RUFY4: variants seen among roughly 807,000 people sequenced by gnomAD.
RUFY4 encodes the protein RUN and FYVE domain-containing protein 4.
In RUFY4, 73 loss-of-function variants were observed where a neutral mutation model predicts 69.0. That is an observed-to-expected ratio of 1.06 (90% CI 0.88 to 1.29). RUFY4 has a LOEUF of 1.29. Among genes scored for constraint, RUFY4 ranks in the 50% most tolerant of loss-of-function variants. The pLI, the probability that RUFY4 is intolerant of heterozygous loss-of-function variation, is 0.00. For synonymous variants in RUFY4, 287 were observed against 271.8 expected (o/e 1.06, Z -0.55); for missense variants, 770 against 705.6 (o/e 1.09, Z -1.03).
intron 2 of RUFY4, among the ~76,000 whole-genome samples, chr2:218,049,469 C>T (rs548792793): frequency 6.6e-6 from 1 of 151,658 alleles, no homozygotes; most frequent in Non-Finnish European, 1.5e-5. Flanking sequence ...ATTGGAGCCC[C>T]TTCATATTTA....
At position 218,072,856 on chromosome 2, in the gene RUFY4, G is replaced by T. The variant is rs188424941; in HGVS notation, c.357G>T (p.Gln119His). Residue 119 changes from glutamine to histidine, a missense_variant, in exon 4 of 11, where the codon CAG becomes CAT. Transcript: ENST00000344321. ...GTGGGCAGCTGGCTGAGGCCCTGCA[G>T]CTTTGCCTCCTGAACTCAGAGCTCA... The T allele has an allele frequency of 4.6e-6, 7 of 1,535,704 alleles. No homozygotes were observed. In the African/African-American group the frequency reaches 8.2e-5, roughly 18 times the overall value.
At chr2:218,046,087 G>A (rs1243091345) in intron 2 of RUFY4, among the ~76,000 whole-genome samples, 1 of 152,022 alleles carries the variant, frequency 6.6e-6, no homozygotes, top group African/African-American at 2.4e-5. Context: ...TTACAGGCGT[G>A]AGCCACCGAG....
intron 8 of RUFY4, among the ~76,000 whole-genome samples, chr2:218,082,855 A>C (rs184913346): frequency 3.5e-3 from 192 of 55,212 alleles, no homozygotes; most frequent in African/African-American, 0.011. Context: ...TATAAATTAT[A>C]TGCATGTAGC....
upstream of RUFY4, chr2:218,070,366 G>A (rs944991133): frequency 5.9e-5 from 34 of 576,948 alleles, no homozygotes; most frequent in Middle Eastern, 4.6e-4. Flanking sequence ...GCACAGTGTC[G>A]TCACCCAGGG....
chr2:218,080,218 C>A (rs1574515757), intron 8 of RUFY4, among the ~76,000 whole-genome samples: 1 of 152,170 alleles, frequency 6.6e-6, no homozygotes, highest in African/African-American at 2.4e-5. Flanking sequence ...CTACCAGAGG[C>A]TGGGGCAGGG....
At chr2:218,040,865 G>A (rs779371494) in intron 2 of RUFY4, among the ~76,000 whole-genome samples, 15 of 151,960 alleles carry the variant, frequency 9.9e-5, no homozygotes, top group Non-Finnish European at 2.1e-4. Flanking sequence ...AAATCTATAG[G>A]GGTACGAGAC....
At chr2:218,050,689 G>C (rs1472992395) in intron 2 of RUFY4, among the ~76,000 whole-genome samples, 1 of 152,170 alleles carries the variant, frequency 6.6e-6, no homozygotes, top group Non-Finnish European at 1.5e-5. Context: ...TTGGTAGCCA[G>C]ACAGTGTTAT....
chr2:218,044,498 GTCA>G (rs1688780632), intron 2 of RUFY4, among the ~76,000 whole-genome samples: 1 of 152,062 alleles, frequency 6.6e-6, no homozygotes, highest in Non-Finnish European at 1.5e-5. Context: ...GTAAACTTGT[GTCA>G]TGGGGGTTTG....
At chr2:218,088,122 C>T (rs1425000234) in intron 9 of RUFY4, among the ~76,000 whole-genome samples, 1 of 151,928 alleles carries the variant, frequency 6.6e-6, no homozygotes, top group Non-Finnish European at 1.5e-5. Flanking sequence ...CACTTTTGTA[C>T]GATTTTATTT....
In RUFY4 at chr2:218,089,162, CCT is replaced by C. The variant is rs1274269571; in HGVS notation, c.1503-85_1503-84del. 20 of 987,246 alleles carry C rather than the reference CCT, an allele frequency of 2.0e-5. No homozygotes were observed. In the Admixed American group the frequency reaches 4.4e-4, roughly 22 times the overall value. 61.2% of individuals were successfully genotyped at this position (987,246 alleles called of 1,614,324 possible). ...TCCTCTCTGTGTGATTCCGTCTGTTCCTCTCTGTCTCTCTGTCTGGGTCTTTT... is the reference window on the plus strand; with the variant it reads ...TCCTCTCTGTGTGATTCCGTCTGTTCCTCTGTCTCTCTGTCTGGGTCTTTT... On this transcript the variant is annotated intron_variant, in intron 9 of 10. Transcript: ENST00000344321.
chr2:218,047,888 T>C (rs969175058), intron 2 of RUFY4, among the ~76,000 whole-genome samples: 8 of 152,234 alleles, frequency 5.3e-5, no homozygotes, highest in Non-Finnish European at 1.0e-4. Flanking sequence ...TATTTAATTT[T>C]AATCTATAAG....
At position 218,070,872 on chromosome 2, in the gene RUFY4, C is replaced by T; in HGVS notation, c.153+13C>T. On this transcript the variant is annotated intron_variant, in intron 2 of 10. Coordinates refer to ENST00000344321, the Ensembl canonical transcript of RUFY4. Reference sequence around the variant, plus strand: ...GCTGCTGCTGCAGGTGGGACCTTCTCCTCCCCTTCCCCATCCCTCTCCCCA... The same window carrying T: ...GCTGCTGCTGCAGGTGGGACCTTCTTCTCCCCTTCCCCATCCCTCTCCCCA... The T allele has an allele frequency of 6.6e-7, 1 of 1,523,638 alleles. No individual in the cohort carries two copies. Among genetic ancestry groups the T allele is most frequent in the Non-Finnish European group, 8.8e-7 (1 of 1,138,012 alleles). The allele number at this position is 1,523,638 out of a possible 1,614,324, so 94.4% of individuals were successfully genotyped here. A position where few individuals can be genotyped will look rare whatever the true frequency, so the allele number is the denominator to read the frequency against.
At chr2:218,057,337 T>C (rs1689085493) in intron 2 of RUFY4, among the ~76,000 whole-genome samples, 1 of 152,246 alleles carries the variant, frequency 6.6e-6, no homozygotes, top group African/African-American at 2.4e-5. Flanking sequence ...CTAGATTTTA[T>C]GTGACTTTGA....
intron 7 of RUFY4, among the ~76,000 whole-genome samples, chr2:218,076,025 C>T (rs1689623760): frequency 6.6e-6 from 1 of 152,188 alleles, no homozygotes; most frequent in South Asian, 2.1e-4. Context: ...GCAGTTCTTC[C>T]AGGCAGTCAC....
chr2:218,064,387 G>A (rs753153798), upstream of RUFY4, among the ~76,000 whole-genome samples: 4 of 152,076 alleles, frequency 2.6e-5, no homozygotes, highest in Non-Finnish European at 5.9e-5. Flanking sequence ...TGCCCTCCAT[G>A]GGCAGCAGAG....
chr2:218,071,764 G>A (rs1201456294), intron 2 of RUFY4, among the ~76,000 whole-genome samples: 1 of 152,152 alleles, frequency 6.6e-6, no homozygotes, highest in Admixed American at 6.5e-5. Context: ...CAGGGCCACA[G>A]TGTCCCTCTC....
rs775751752 is a variant in RUFY4 at position 218,075,384 on chromosome 2, C to T, written c.892C>T (p.Gln298Ter). ...GAACTCAACACCCAGCACCCAGGGA[C>T]AGGGGAAGGGGGCTATGGGCACTCA... The change falls in exon 7 of 11, where the codon CAG becomes TAG. Residue 298 changes from glutamine to a stop codon, truncating the protein, a stop_gained. Coordinates refer to ENST00000344321, the Ensembl canonical transcript of RUFY4. LOFTEE classifies it high-confidence loss of function. The T allele has an allele frequency of 5.0e-6, 8 of 1,613,218 alleles. No individual in the cohort carries two copies. The highest frequency in any genetic ancestry group is 6.8e-6 in the Non-Finnish European group (8 of 1,179,638).
At chr2:218,077,395 T>C (rs749408116) in intron 8 of RUFY4, among the ~76,000 whole-genome samples, 2 of 152,212 alleles carry the variant, frequency 1.3e-5, no homozygotes, top group Non-Finnish European at 1.5e-5. Flanking sequence ...TCTTTCTTTT[T>C]GTAGAGACGA....
intron 2 of RUFY4, among the ~76,000 whole-genome samples, chr2:218,041,516 CAGA>C: frequency 6.6e-6 from 1 of 151,550 alleles, no homozygotes; most frequent in South Asian, 2.1e-4. Flanking sequence ...AGTTCCAAAC[CAGA>C]AGCAGTTCAG....
Sources: gnomAD v4.1 joint callset for allele counts (sites outside exome capture counted in the v4.1 genomes callset) on GRCh38, gnomAD v4.1.1 for gene constraint, MANE v1.5 for transcripts, NCBI Gene and HGNC (gene_info 2026-07-23, HGNC 2026-07-21) for gene names.